Variants in MYOM1 observed in about 807,000 individuals in gnomAD.
MYOM1 encodes myomesin-1.
Under a neutral mutation model 205.3 loss-of-function variants are expected in MYOM1, and 164 were observed. The ratio of observed to expected loss-of-function variants is 0.80; its 90% CI spans 0.70 to 0.91. MYOM1 has a LOEUF of 0.91. MYOM1 is among the 40% of genes least tolerant of loss of function. The pLI is 0.00. For synonymous variants in MYOM1, 772 were observed against 789.4 expected (o/e 0.98, Z 0.37); for missense variants, 2,011 against 2,127.3 (o/e 0.95, Z 1.08).
At chr18:3,216,418 A>G (rs2081268088) in intron 1 of MYOM1, among the ~76,000 whole-genome samples, 1 of 152,258 alleles carries the variant, frequency 6.6e-6, no homozygotes, top group South Asian at 2.1e-4. Flanking sequence ...TAATGTGCCA[A>G]GAACCAGAGA....
the MYOM1 span, among the ~76,000 whole-genome samples, chr18:3,237,618 A>G: frequency 1.3e-5 from 2 of 151,670 alleles, 1 homozygote; most frequent in Non-Finnish European, 2.9e-5. Context: ...AAAAAAAAAA[A>G]AAAAGGAAAT....
chr18:3,183,209 G>A (rs1209770191), intron 5 of MYOM1, among the ~76,000 whole-genome samples: 4 of 152,272 alleles, frequency 2.6e-5, no homozygotes, highest in African/African-American at 4.8e-5. Context: ...GATTACAGGC[G>A]TGGGCCACCA....
In MYOM1 at chr18:3,083,780, T is replaced by C; in HGVS notation, c.4484+9A>G. Reference sequence around the variant, plus strand: ...TTTCTACACAGCAAGTAAGTTCTCATTTACTTACTTGTGGGACCAGTTAAC... The same window carrying C: ...TTTCTACACAGCAAGTAAGTTCTCACTTACTTACTTGTGGGACCAGTTAAC... On this transcript the variant is annotated intron_variant, in intron 33 of 37. Coordinates refer to ENST00000356443, the MANE Select transcript of MYOM1 (RefSeq NM_003803.4). The C allele has an allele frequency of 6.5e-7, 1 of 1,545,222 alleles. No individual in the cohort carries two copies. Among genetic ancestry groups the C allele is most frequent in the Non-Finnish European group, 8.8e-7 (1 of 1,138,456 alleles).
intron 5 of MYOM1, among the ~76,000 whole-genome samples, chr18:3,180,389 G>A (rs1007672496): frequency 2.6e-5 from 4 of 152,198 alleles, no homozygotes; most frequent in African/African-American, 4.8e-5. Flanking sequence ...ATTTAAAGCG[G>A]TGGTCAAGGA....
chr18:3,147,106 A>G (rs377754376), intron 13 of MYOM1, among the ~76,000 whole-genome samples: 30 of 142,004 alleles, frequency 2.1e-4, no homozygotes, highest in East Asian at 1.4e-3. Context: ...AGATAAATAT[A>G]TATATTTATA....
intron 31 of MYOM1, among the ~76,000 whole-genome samples, chr18:3,084,605 A>G (rs754034233): frequency 5.3e-5 from 8 of 152,216 alleles, no homozygotes; most frequent in Non-Finnish European, 1.0e-4. Flanking sequence ...TCATCATGAT[A>G]TATTTGTCCT....
intron 22 of MYOM1, among the ~76,000 whole-genome samples, chr18:3,109,783 AT>A (rs1238748783): frequency 6.6e-6 from 1 of 152,062 alleles, no homozygotes; most frequent in Admixed American, 6.6e-5. Context: ...TATTATTATT[AT>A]TTTTTCTTTC....
Position 3,154,937 on chromosome 18 carries a change from A to T in MYOM1, c.1643+10T>A. On this transcript the variant is annotated intron_variant, in intron 11 of 37. Transcript: ENST00000356443. ...AAATAACTGTAATTGATGTTAGCCT[A>T]AGCACTAACTTATCAATAAAATATC... 2.5e-6 allele frequency: 4 copies of T among 1,608,288 alleles called. No individual in the cohort carries two copies. Among genetic ancestry groups the T allele is most frequent in the Non-Finnish European group, 3.4e-6 (4 of 1,177,102 alleles).
chr18:3,159,393 C>T (rs1340807581), intron 10 of MYOM1, among the ~76,000 whole-genome samples: 5 of 152,102 alleles, frequency 3.3e-5, no homozygotes, highest in Admixed American at 1.3e-4. Context: ...GAAGTGACCT[C>T]GTGCAGCTCA....
At chr18:3,100,035 G>T in intron 25 of MYOM1, 124 bp downstream of exon 25, 1 of 973,666 alleles carries the variant, frequency 1.0e-6, no homozygotes, top group Non-Finnish European at 1.6e-6. Flanking sequence ...CTACTGATGT[G>T]TGTTCCATTA....
intron 18 of MYOM1, among the ~76,000 whole-genome samples, chr18:3,127,538 A>C (rs960724838): frequency 6.6e-6 from 1 of 151,646 alleles, no homozygotes; most frequent in African/African-American, 2.4e-5. Flanking sequence ...CGAACTCCTG[A>C]CCTTAGGTGA....
At chr18:3,104,568 CA>C (rs1222555427) in intron 22 of MYOM1, among the ~76,000 whole-genome samples, 3 of 152,056 alleles carry the variant, frequency 2.0e-5, no homozygotes, top group Admixed American at 6.6e-5. Context: ...AGAATACGAA[CA>C]ATTTAATCAG....
intron 22 of MYOM1, among the ~76,000 whole-genome samples, chr18:3,104,122 G>A (rs1325682940): frequency 6.6e-6 from 1 of 152,060 alleles, no homozygotes; most frequent in Non-Finnish European, 1.5e-5. Context: ...TTCTATTCCT[G>A]ATAACACGTG....
At chr18:3,167,448 A>G (rs915848655) in intron 9 of MYOM1, among the ~76,000 whole-genome samples, 2 of 152,170 alleles carry the variant, frequency 1.3e-5, no homozygotes, top group Non-Finnish European at 2.9e-5. Context: ...CAATGGCGCA[A>G]TCTTGGTTCA....
the MYOM1 span, among the ~76,000 whole-genome samples, chr18:3,231,197 C>T: frequency 6.6e-6 from 1 of 152,232 alleles, no homozygotes; most frequent in African/African-American, 2.4e-5. Flanking sequence ...AAGCCAATCA[C>T]ACTCCTCCCG....
At chr18:3,104,908 G>A (rs529441064) in intron 22 of MYOM1, among the ~76,000 whole-genome samples, 27 of 151,936 alleles carry the variant, frequency 1.8e-4, no homozygotes, top group South Asian at 2.1e-4. Flanking sequence ...CACCACATCC[G>A]GCCAATTTTT....
At chr18:3,213,900 A>G (rs1198168019) in intron 2 of MYOM1, among the ~76,000 whole-genome samples, 1 of 152,160 alleles carries the variant, frequency 6.6e-6, no homozygotes, top group African/African-American at 2.4e-5. Flanking sequence ...ATTGTTTCCA[A>G]AGAAATAGCA....
At chr18:3,217,950 G>GAAAAC (rs1290936847) in intron 1 of MYOM1, among the ~76,000 whole-genome samples, 5 of 151,878 alleles carry the variant, frequency 3.3e-5, no homozygotes, top group Admixed American at 6.6e-5. Flanking sequence ...TCTCAAACCA[G>GAAAAC]AAAACAAAAC....
At chr18:3,201,724 A>C (rs1295234002) in intron 2 of MYOM1, among the ~76,000 whole-genome samples, 1 of 151,138 alleles carries the variant, frequency 6.6e-6, no homozygotes, top group Non-Finnish European at 1.5e-5. Flanking sequence ...CATAACTATA[A>C]CCTCGATCTC....
Sources: gnomAD v4.1 joint callset for allele counts (sites outside exome capture counted in the v4.1 genomes callset) on GRCh38, gnomAD v4.1.1 for gene constraint, MANE v1.5 for transcripts, NCBI Gene and HGNC (gene_info 2026-07-23, HGNC 2026-07-21) for gene names.